ARHGAP26: variants seen among roughly 807,000 people sequenced by gnomAD.
ARHGAP26 encodes Rho GTPase activating protein 26, also known as rho GTPase-activating protein 26.
Under a neutral mutation model 104.8 loss-of-function variants are expected in ARHGAP26, and 38 were observed. That is an observed-to-expected ratio of 0.36 (90% CI 0.28 to 0.48). The LOEUF (loss-of-function observed/expected upper bound fraction) is 0.48, where lower values mean the gene tolerates loss of function less well. Among genes scored for constraint, ARHGAP26 ranks in the 20% least tolerant of loss-of-function variants. ARHGAP26 has a pLI of 0.99. For synonymous variants in ARHGAP26, 341 were observed against 340.0 expected (o/e 1.00, Z -0.03); for missense variants, 704 against 947.9 (o/e 0.74, Z 3.38).
chr5:143,105,754 T>C (rs1793923722), intron 17 of ARHGAP26, among the ~76,000 whole-genome samples: 1 of 152,168 alleles, frequency 6.6e-6, no homozygotes, highest in Admixed American at 6.5e-5. Context: ...GCTGTAGGCA[T>C]CCTCTCTTCA....
chr5:142,840,637 C>T (rs1370974037), intron 1 of ARHGAP26, among the ~76,000 whole-genome samples: 1 of 152,126 alleles, frequency 6.6e-6, no homozygotes, highest in Admixed American at 6.5e-5. Flanking sequence ...TAGTTGTCAT[C>T]GTCTTATTTG....
chr5:142,770,783 TTCAGCGACTGCTGCC>T lies in ARHGAP26; in HGVS notation c.25_39del (p.Ser9_Leu13del). The stretch of plus-strand genomic sequence containing the variant: ...CACCATGGGGCTCCCAGCGCTCGAG[TTCAGCGACTGCTGCC>T]TCGATAGTCCGCACTTCCGAGAGAC... On this transcript the variant is annotated inframe_deletion, in exon 1 of 23. Coordinates refer to ENST00000645722, the MANE Select transcript of ARHGAP26 (RefSeq NM_001135608.3). The T allele has an allele frequency of 6.4e-7, 1 of 1,556,244 alleles. No homozygotes were observed. The highest frequency in any genetic ancestry group is 8.7e-7 in the Non-Finnish European group (1 of 1,149,286).
In ARHGAP26 at chr5:143,134,013, A is replaced by T. The variant is rs773289106; in HGVS notation, c.1745A>T (p.His582Leu). ...PDMPLTNAQL[H>L]LSRKKSSDSK... ...ATGCCTCTCACCAATGCCCAGCTGCACCTGTCTCGGAAGAAGAGCAGTGAC... is the reference window on the plus strand; with the variant it reads ...ATGCCTCTCACCAATGCCCAGCTGCTCCTGTCTCGGAAGAAGAGCAGTGAC... The change falls in exon 19 of 23, where the codon CAC (histidine) becomes CTC (leucine). Residue 582 changes from histidine to leucine, a missense_variant. By Grantham distance (99) the His-to-Leu change is moderately conservative (BLOSUM62 -3). Transcript: ENST00000645722. 6.2e-6 allele frequency: 10 copies of T among 1,612,512 alleles called. No homozygotes were observed. Among genetic ancestry groups the T allele is most frequent in the South Asian group, 1.1e-5 (1 of 90,796 alleles).
chr5:143,142,231 C>T (rs576516768), intron 19 of ARHGAP26, among the ~76,000 whole-genome samples: 2 of 150,778 alleles, frequency 1.3e-5, no homozygotes, highest in South Asian at 2.1e-4. Flanking sequence ...CTTCGCCTCC[C>T]GGGTTCAAGT....
intron 11 of ARHGAP26, chr5:143,011,008 T>C (rs245850): frequency 0.95 from 144,002 of 152,322 alleles, 68,307 homozygotes; most frequent in Non-Finnish European, 0.99. Context: ...ATTGCTGGTC[T>C]TAGCTATTAC....
chr5:142,851,521 A>C (rs1328340534), intron 1 of ARHGAP26, among the ~76,000 whole-genome samples: 1 of 152,230 alleles, frequency 6.6e-6, no homozygotes, highest in African/African-American at 2.4e-5. Flanking sequence ...TTTATTATGA[A>C]CAGCTTGGCA....
At chr5:143,221,919 T>TGAATGGAA (rs1554274585) in intron 22 of ARHGAP26, among the ~76,000 whole-genome samples, 19 of 104,010 alleles carry the variant, frequency 1.8e-4, no homozygotes, top group Non-Finnish European at 3.0e-4. Flanking sequence ...GGTGGGTGGA[T>TGAATGGAA]GGATGGAAGG....
At chr5:143,165,935 C>A in intron 20 of ARHGAP26, 1 of 841,198 alleles carries the variant, frequency 1.2e-6, no homozygotes, top group Non-Finnish European at 1.7e-6. Context: ...TGAAATAGTT[C>A]ATGTAGAGCA....
chr5:143,144,749 A>T (rs1367388739), intron 19 of ARHGAP26, among the ~76,000 whole-genome samples: 1 of 152,150 alleles, frequency 6.6e-6, no homozygotes, highest in African/African-American at 2.4e-5. Flanking sequence ...ATGCTGTAAA[A>T]TTTGTCTTGG....
Position 142,907,771 on chromosome 5 carries a change from G to A in ARHGAP26, c.900G>A (p.Met300Ile). ...AACGGGATTCCAAACAAATCACCAT[G>A]GTACCATTTGACCAAAAGTCAGGAG... ...TYQRDSKQITMVPFDQKSGGK... is the reference protein window; with the variant it reads ...TYQRDSKQITIVPFDQKSGGK... Residue 300 changes from methionine to isoleucine, a missense_variant, in exon 9 of 23, where the codon ATG (methionine) becomes ATA (isoleucine). Physicochemically the swap from Met to Ile is conservative, Grantham distance 10. This residue lies in a region of ARHGAP26 where 287 missense variants were observed against 438.8 expected (regional missense o/e 0.65). Coordinates refer to ENST00000645722, the MANE Select transcript of ARHGAP26 (RefSeq NM_001135608.3). The A allele has an allele frequency of 6.2e-7, 1 of 1,611,366 alleles. No homozygotes were observed. The highest frequency in any genetic ancestry group is 1.3e-5 in the African/African-American group (1 of 74,956).
chr5:143,046,130 A>C (rs575688937), intron 14 of ARHGAP26, among the ~76,000 whole-genome samples: 1 of 151,490 alleles, frequency 6.6e-6, no homozygotes, highest in Non-Finnish European at 1.5e-5. Flanking sequence ...ACGAAACTCC[A>C]TCCCCAAAAA....
intron 17 of ARHGAP26, among the ~76,000 whole-genome samples, chr5:143,095,648 A>G (rs975954631): frequency 6.6e-6 from 1 of 152,098 alleles, no homozygotes; most frequent in Admixed American, 6.5e-5. Flanking sequence ...GGCTCACTGC[A>G]ACCTCCACCT....
At chr5:142,899,394 T>G (rs1335406076) in intron 6 of ARHGAP26, among the ~76,000 whole-genome samples, 1 of 152,212 alleles carries the variant, frequency 6.6e-6, no homozygotes, top group Non-Finnish European at 1.5e-5. Context: ...TAAATTATGT[T>G]GTCAGCTAGG....
In ARHGAP26 at chr5:143,207,113, C is replaced by T. The variant is rs1187401346; in HGVS notation, c.1989-85C>T. On this transcript the variant is annotated intron_variant, in intron 20 of 22. Transcript: ENST00000645722. ...TGCTCCTCTGCTCTGCCCAGCTTTC[C>T]GTCATCTGGCCTCCCATGACCTCCT... The T allele has an allele frequency of 9.2e-6, 14 of 1,525,318 alleles. 1 individual carries two copies. The highest frequency in any genetic ancestry group is 6.8e-5 in the East Asian group (3 of 44,260). The allele number at this position is 1,525,318 out of a possible 1,614,324, so 94.5% of individuals were successfully genotyped here. A position where few individuals can be genotyped will look rare whatever the true frequency, so the allele number is the denominator to read the frequency against.
chr5:143,046,660 TTAAG>T (rs1784281353), intron 14 of ARHGAP26, among the ~76,000 whole-genome samples: 2 of 152,222 alleles, frequency 1.3e-5, no homozygotes, highest in African/African-American at 4.8e-5. Context: ...CCCCTGAATA[TTAAG>T]TAAAGATAAA....
In ARHGAP26 at chr5:142,992,411, T is replaced by A. The variant is rs189868670; in HGVS notation, c.1108-21669T>A. Among the ~76,000 whole-genome samples the A allele has an allele frequency of 2.4e-3, 366 of 151,888 alleles. 2 individuals carry two copies. The highest frequency in any genetic ancestry group is 7.9e-3 in the African/African-American group (329 of 41,510). ...TGATTTAAGAAGTGCAGCAGTGATT[T>A]TTTATTTATTTATTTTATTTTATTT... On this transcript the variant is annotated intron_variant, in intron 11 of 22. Transcript: ENST00000645722.
At chr5:143,091,223 G>A (rs1791391907) in intron 17 of ARHGAP26, among the ~76,000 whole-genome samples, 3 of 152,252 alleles carry the variant, frequency 2.0e-5, no homozygotes, top group Admixed American at 2.0e-4. Flanking sequence ...ATGAACAGCA[G>A]TCTCAGTGGT....
At chr5:142,793,672 C>T (rs1760348238) in intron 1 of ARHGAP26, among the ~76,000 whole-genome samples, 1 of 152,084 alleles carries the variant, frequency 6.6e-6, no homozygotes, top group Non-Finnish European at 1.5e-5. Context: ...ACTGCAACCT[C>T]CACCTCCCGA....
At position 143,212,872 on chromosome 5, in the gene ARHGAP26, G is replaced by A. The variant is rs571853062; in HGVS notation, c.2100-1125G>A. Reference sequence around the variant, plus strand: ...TTAAAATACTGATGCCTGGCCGGGCGCGGTGGCTCACGCCTGTAATCCCAG... The same window carrying A: ...TTAAAATACTGATGCCTGGCCGGGCACGGTGGCTCACGCCTGTAATCCCAG... On this transcript the variant is annotated intron_variant, in intron 21 of 22. Coordinates refer to ENST00000645722, the MANE Select transcript of ARHGAP26 (RefSeq NM_001135608.3). Among the ~76,000 whole-genome samples the A allele has an allele frequency of 7.9e-5, 12 of 152,262 alleles. No individual in the cohort carries two copies. In the South Asian group the frequency reaches 8.3e-4, roughly 11 times the overall value.
Sources: gnomAD v4.1 joint callset for allele counts (sites outside exome capture counted in the v4.1 genomes callset) on GRCh38, gnomAD v4.1.1 for gene constraint, gnomAD v4.1.1 regional missense constraint, MANE v1.5 for transcripts, NCBI Gene and HGNC (gene_info 2026-07-23, HGNC 2026-07-21) for gene names.